The following ZMYM2 variants were observed in gnomAD, a reference collection of about 807,000 sequenced individuals.
The protein encoded by ZMYM2 is zinc finger MYM-type containing 2.
A neutral mutation model predicts 162.8 loss-of-function variants in ZMYM2; 56 were observed. The ratio of observed to expected loss-of-function variants is 0.34; its 90% CI spans 0.28 to 0.43. The LOEUF is 0.43. Ranked by LOEUF, ZMYM2 falls within the 20% of genes least tolerant of loss-of-function variation. ZMYM2 has a pLI of 1.00. For missense variants in ZMYM2, 1,275 were observed against 1,621.8 expected, an observed-to-expected ratio of 0.79 and a Z score of 3.67; for synonymous variants, 510 against 541.6, an observed-to-expected ratio of 0.94 and a Z score of 0.81.
chr13:20,023,025 A>C (rs968012880), intron 7 of ZMYM2, among the ~76,000 whole-genome samples: 1 of 152,182 alleles, frequency 6.6e-6, no homozygotes, highest in Admixed American at 6.5e-5. Flanking sequence ...GTGGTTAATA[A>C]CTATAATTTT....
intron 3 of ZMYM2, among the ~76,000 whole-genome samples, chr13:19,997,442 A>G (rs577491383): frequency 2.6e-5 from 4 of 152,150 alleles, no homozygotes; most frequent in Non-Finnish European, 5.9e-5. Flanking sequence ...TAAAATAAAT[A>G]TGCTCTTTTT....
chr13:20,077,847 C>T (rs77931736), intron 21 of ZMYM2, among the ~76,000 whole-genome samples: 7 of 143,838 alleles, frequency 4.9e-5, no homozygotes, highest in Non-Finnish European at 9.1e-5. Flanking sequence ...AAGTTTTTTT[C>T]TTTTTTTTTT....
chr13:19,896,992 G>A, the ZMYM2 span, among the ~76,000 whole-genome samples: 13 of 150,948 alleles, frequency 8.6e-5, 1 homozygote, highest in Admixed American at 2.6e-4. Flanking sequence ...AGAATTGCTT[G>A]AACCTGGGAG....
chr13:20,040,777 T>C (rs544584053), intron 12 of ZMYM2, among the ~76,000 whole-genome samples: 7 of 152,252 alleles, frequency 4.6e-5, no homozygotes, highest in Non-Finnish European at 1.0e-4. Context: ...GCCTTAGCTG[T>C]GTACCAGAAA....
At position 20,082,929 on chromosome 13, in the gene ZMYM2, C is replaced by T. The variant is rs1458482220; in HGVS notation, c.3717C>T (p.Ser1239=). 1.9e-6 allele frequency: 3 copies of T among 1,613,908 alleles called. No homozygotes were observed. Among genetic ancestry groups the T allele is most frequent in the Non-Finnish European group, 2.5e-6 (3 of 1,179,860 alleles). Residue 1239 remains serine, a synonymous_variant, in exon 23 of 25, where the codon TCC becomes TCT. Coordinates refer to ENST00000610343, the MANE Select transcript of ZMYM2 (RefSeq NM_197968.4). ...LKTVEQHLRL[S]FGTVFRHWKK... is the part of the protein sequence containing the mutation. ...CAGTGGAACAACACTTAAGACTTTC[C>T]TTTGGCACTGTGTTTAGGCATTGGA... is the stretch of plus-strand genomic sequence containing the variant.
chr13:20,086,798 T>G lies in ZMYM2; in HGVS notation c.*784T>G, dbSNP rs552340360. On this transcript the variant is annotated 3_prime_UTR_variant, in exon 25 of 25. Coordinates refer to ENST00000610343, the MANE Select transcript of ZMYM2 (RefSeq NM_197968.4). ...ATATATATATATATATATATATATA[T>G]AAATGATTGTAAGTTGAAAACAAGA... is the stretch of plus-strand genomic sequence containing the variant. 6.7e-6 allele frequency: 1 copy of G among 148,854 alleles called. No homozygotes were observed. Among genetic ancestry groups the G allele is most frequent in the Non-Finnish European group, 1.4e-5 (1 of 69,136 alleles). 9.2% of individuals were successfully genotyped at this position (148,854 alleles called of 1,614,324 possible). A position where few individuals can be genotyped will look rare whatever the true frequency, so the allele number is the denominator to read the frequency against.
chr13:19,906,353 GTA>G, the ZMYM2 span, among the ~76,000 whole-genome samples: 2,010 of 134,218 alleles, frequency 0.015, 30 homozygotes, highest in East Asian at 0.056. Flanking sequence ...ATATGTGTGT[GTA>G]TATATATATG....
At position 20,051,510 on chromosome 13, in the gene ZMYM2, C is replaced by T; in HGVS notation, c.2370C>T (p.Phe790=). 1.2e-6 allele frequency: 2 copies of T among 1,613,580 alleles called. No individual in the cohort carries two copies. Among genetic ancestry groups the T allele is most frequent in the Non-Finnish European group, 1.7e-6 (2 of 1,179,632 alleles). The change falls in exon 13 of 25, where the codon TTC becomes TTT. Residue 790 remains phenylalanine, a synonymous_variant. Coordinates refer to ENST00000610343, the MANE Select transcript of ZMYM2 (RefSeq NM_197968.4). The part of the protein sequence containing the change: ...RVQWRGEMKH[F]CDQHCLLRFY... The stretch of plus-strand genomic sequence containing the variant: ...AGTGGCGTGGGGAAATGAAACATTT[C>T]TGTGATCAACATTGCTTACTGCGTT...
the ZMYM2 span, among the ~76,000 whole-genome samples, chr13:19,902,983 C>A: frequency 6.6e-6 from 1 of 151,776 alleles, no homozygotes; most frequent in South Asian, 2.1e-4. Flanking sequence ...ATGGTGAAAC[C>A]CCATCTCTAC....
chr13:19,959,074 A>G (rs1249306253), intron 1 of ZMYM2, among the ~76,000 whole-genome samples: 1 of 150,348 alleles, frequency 6.7e-6, no homozygotes, highest in Non-Finnish European at 1.5e-5. Flanking sequence ...CGCTCATGTC[A>G]CAGGCGCCTT....
chr13:19,916,498 G>A, the ZMYM2 span, among the ~76,000 whole-genome samples: 3 of 152,184 alleles, frequency 2.0e-5, no homozygotes, highest in African/African-American at 7.2e-5. Flanking sequence ...TTAAGAAAAT[G>A]TGGCACATAT....
chr13:20,069,827 A>G (rs1405592041), intron 21 of ZMYM2, among the ~76,000 whole-genome samples: 1 of 149,694 alleles, frequency 6.7e-6, no homozygotes, highest in Non-Finnish European at 1.5e-5. Flanking sequence ...ATGAACAACA[A>G]CAACAAAAAC....
chr13:20,076,473 G>A (rs1457844493), intron 21 of ZMYM2, among the ~76,000 whole-genome samples: 2 of 150,454 alleles, frequency 1.3e-5, no homozygotes, highest in Non-Finnish European at 2.9e-5. Context: ...CAAAATGTTT[G>A]AGGATCTTTT....
At position 19,960,748 on chromosome 13, in the gene ZMYM2, G is replaced by A. The variant is rs146162800; in HGVS notation, c.-11+722G>A. Among the ~76,000 whole-genome samples the A allele has an allele frequency of 3.0e-3, 456 of 152,312 alleles. 4 individuals are homozygous for A. The highest frequency in any genetic ancestry group is 0.01 in the African/African-American group (435 of 41,578). On this transcript the variant is annotated intron_variant, in intron 2 of 24. Transcript: ENST00000610343. ...AACTATGTAATGTGCTAGAGAGGAA[G>A]ATGAAGATAGCCAGTCATATTTTCC...
the ZMYM2 span, among the ~76,000 whole-genome samples, chr13:19,911,211 C>G: frequency 6.6e-6 from 1 of 151,972 alleles, no homozygotes; most frequent in Non-Finnish European, 1.5e-5. Flanking sequence ...CATGCACCAC[C>G]ATGCTTGGCT....
the ZMYM2 span, among the ~76,000 whole-genome samples, chr13:19,907,757 G>T: frequency 6.8e-5 from 1 of 14,614 alleles, no homozygotes. Context: ...ATGAGACTCT[G>T]TCTCAAAAAA....
chr13:19,987,906 T>C (rs1381946995), intron 2 of ZMYM2, among the ~76,000 whole-genome samples: 1 of 152,176 alleles, frequency 6.6e-6, no homozygotes, highest in Non-Finnish European at 1.5e-5. Context: ...GCCACTGCCC[T>C]CAGCCCATTT....
At chr13:19,968,652 T>C (rs1956025114) in intron 2 of ZMYM2, among the ~76,000 whole-genome samples, 1 of 152,208 alleles carries the variant, frequency 6.6e-6, no homozygotes, top group Admixed American at 6.5e-5. Flanking sequence ...CTTAGTCTGT[T>C]AGAAAACGGA....
chr13:19,973,896 G>A (rs1956556198), intron 2 of ZMYM2, among the ~76,000 whole-genome samples: 1 of 151,980 alleles, frequency 6.6e-6, no homozygotes, highest in Non-Finnish European at 1.5e-5. Flanking sequence ...ATTAGTGTTA[G>A]TGTATTTTAT....
Sources: allele counts gnomAD v4.1 joint callset (sites outside exome capture counted in the v4.1 genomes callset), GRCh38; gene constraint gnomAD v4.1.1; transcripts MANE v1.5; gene names NCBI Gene and HGNC (gene_info 2026-07-23, HGNC 2026-07-21).